Variants in KIAA0319 observed in about 807,000 individuals in gnomAD.
The protein encoded by KIAA0319 is KIAA0319, also known as dyslexia-associated protein KIAA0319.
A neutral mutation model predicts 108.4 loss-of-function variants in KIAA0319; 83 were observed. The ratio of observed to expected loss-of-function variants is 0.77; its 90% CI spans 0.64 to 0.92. KIAA0319 has a LOEUF of 0.92. KIAA0319 is among the 40% of genes least tolerant of loss of function. The probability of loss-of-function intolerance (pLI) is 0.00; values close to 1 mark genes in which losing one functional copy is unlikely to be tolerated. For synonymous variants in KIAA0319, 484 were observed against 510.4 expected (o/e 0.95, Z 0.70); for missense variants, 1,195 against 1,322.4 (o/e 0.90, Z 1.49).
At chr6:24,624,789 G>A (rs1269951224) in intron 1 of KIAA0319, among the ~76,000 whole-genome samples, 6 of 152,146 alleles carry the variant, frequency 3.9e-5, no homozygotes, top group Non-Finnish European at 1.5e-5. Flanking sequence ...TTTGGAAGTC[G>A]GACGTGAAGC....
intron 19 of KIAA0319, among the ~76,000 whole-genome samples, chr6:24,553,274 GAT>G (rs72393319): frequency 0.062 from 6,318 of 101,834 alleles, 258 homozygotes; most frequent in Non-Finnish European, 0.066. Flanking sequence ...TTGTGAGATA[GAT>G]ATATATATAT....
At chr6:24,624,140 T>G (rs1774377457) in intron 1 of KIAA0319, among the ~76,000 whole-genome samples, 2 of 141,144 alleles carry the variant, frequency 1.4e-5, no homozygotes, top group African/African-American at 5.2e-5. Context: ...TCCTTCCACC[T>G]CAGCCTCCTG....
Position 24,596,470 on chromosome 6 carries a change from G to A in KIAA0319, c.204C>T (p.Asp68=). ...TAACCDLSSC[D]LAWWFEGRCY... ...AGCGGCCCTCGAACCACCAGGCCAGGTCACAGCTGGACAGGTCACAGCAAG... is the reference window on the plus strand; with the variant it reads ...AGCGGCCCTCGAACCACCAGGCCAGATCACAGCTGGACAGGTCACAGCAAG... Residue 68 remains aspartate (D), a synonymous_variant, in exon 3 of 21, where the codon GAC becomes GAT. Coordinates refer to ENST00000378214, the MANE Select transcript of KIAA0319 (RefSeq NM_014809.4). 1 of 1,614,176 alleles carries A rather than the reference G, an allele frequency of 6.2e-7. No homozygotes were observed.
intron 20 of KIAA0319, among the ~76,000 whole-genome samples, chr6:24,549,124 C>G (rs1561902300): frequency 6.6e-6 from 1 of 151,762 alleles, no homozygotes; most frequent in Non-Finnish European, 1.5e-5. Context: ...GAGTTCGAGA[C>G]CAGCCTGGCT....
intron 1 of KIAA0319, among the ~76,000 whole-genome samples, chr6:24,637,345 C>G (rs972717993): frequency 6.6e-6 from 1 of 152,204 alleles, no homozygotes; most frequent in Non-Finnish European, 1.5e-5. Flanking sequence ...GAGAGCTCTG[C>G]TCATTCCTCT....
intron 8 of KIAA0319, 57 bp downstream of exon 8, chr6:24,579,801 A>T: frequency 7.3e-7 from 1 of 1,374,638 alleles, no homozygotes; most frequent in Non-Finnish European, 1.0e-6. Context: ...AGCACTCATT[A>T]CATTTCGTAG....
chr6:24,552,266 A>G (rs1581879342), intron 19 of KIAA0319, among the ~76,000 whole-genome samples: 1 of 152,340 alleles, frequency 6.6e-6, no homozygotes, highest in East Asian at 1.9e-4. Flanking sequence ...CACCTGTAAA[A>G]TGGGAGTAAG....
chr6:24,542,312 C>G (rs141340012), downstream of KIAA0319, among the ~76,000 whole-genome samples: 14 of 152,300 alleles, frequency 9.2e-5, no homozygotes, highest in African/African-American at 3.4e-4. Context: ...CTACAATACC[C>G]CATTCCCATT....
Position 24,582,235 on chromosome 6 carries a change from C to A in KIAA0319, c.1191+14G>T. The A allele has an allele frequency of 1.4e-6, 2 of 1,448,252 alleles. No homozygotes were observed. The highest frequency in any genetic ancestry group is 2.3e-5 in the South Asian group (2 of 87,696). The allele number at this position is 1,448,252 out of a possible 1,614,324, so 89.7% of individuals were successfully genotyped here. A position where few individuals can be genotyped will look rare whatever the true frequency, so the allele number is the denominator to read the frequency against. On this transcript the variant is annotated intron_variant, in intron 6 of 20. Transcript: ENST00000378214. ...CGCTGTGCTGTTAGACACAACCAGTCTCCAGTTACTTACTTGAGAGAGGTT... is the reference window on the plus strand; with the variant it reads ...CGCTGTGCTGTTAGACACAACCAGTATCCAGTTACTTACTTGAGAGAGGTT...
At chr6:24,617,807 T>A (rs1381495238) in intron 1 of KIAA0319, among the ~76,000 whole-genome samples, 1 of 152,096 alleles carries the variant, frequency 6.6e-6, no homozygotes, top group Admixed American at 6.5e-5. Context: ...GCCAACATGC[T>A]GAAATCCCAT....
intron 11 of KIAA0319, among the ~76,000 whole-genome samples, chr6:24,571,017 C>A (rs1166995343): frequency 6.6e-6 from 1 of 151,852 alleles, no homozygotes; most frequent in African/African-American, 2.4e-5. Context: ...TGGCGAAACT[C>A]TGTGTTTCTA....
At chr6:24,598,532 C>T (rs955721478) in intron 2 of KIAA0319, 14 of 447,388 alleles carry the variant, frequency 3.1e-5, no homozygotes, top group Non-Finnish European at 4.7e-5. Context: ...TTTGGCAACA[C>T]ACCAGGGCTG....
Position 24,588,609 on chromosome 6 carries a change from G to A in KIAA0319, c.978C>T (p.Thr326=). Residue 326 remains threonine (T), a synonymous_variant, in exon 4 of 21, where the codon ACC becomes ACT. Coordinates refer to ENST00000378214, the MANE Select transcript of KIAA0319 (RefSeq NM_014809.4). ...STPSELPISP[T]TAPRTVKELT... Reference sequence around the variant, plus strand: ...AAAAGTTACCTGTCCTGGGAGCAGTGGTAGGAGATATGGGTAGCTCAGATG... The same window carrying A: ...AAAAGTTACCTGTCCTGGGAGCAGTAGTAGGAGATATGGGTAGCTCAGATG... 6 of 1,613,472 alleles carry A rather than the reference G, an allele frequency of 3.7e-6. No individual in the cohort carries two copies. Among genetic ancestry groups the A allele is most frequent in the Non-Finnish European group, 4.2e-6 (5 of 1,179,464 alleles).
chr6:24,577,136 T>C (rs906585023), intron 9 of KIAA0319, among the ~76,000 whole-genome samples: 4 of 152,286 alleles, frequency 2.6e-5, no homozygotes, highest in South Asian at 2.1e-4. Context: ...TCATAACATA[T>C]TGATGTCAGA....
intron 1 of KIAA0319, among the ~76,000 whole-genome samples, chr6:24,623,100 A>T (rs528416987): frequency 9.3e-4 from 141 of 152,286 alleles, no homozygotes; most frequent in Non-Finnish European, 5.1e-4. Context: ...ACAGCTAAAA[A>T]TTAGCTAAGT....
At chr6:24,582,176 G>A (rs1766665541) in intron 6 of KIAA0319, 73 bp downstream of exon 6, 9 of 866,938 alleles carry the variant, frequency 1.0e-5, no homozygotes, top group Non-Finnish European at 1.8e-5. Flanking sequence ...GGGTTCAGTA[G>A]CTAAGAAGGT....
At chr6:24,578,991 C>T (rs1345846431) in intron 8 of KIAA0319, among the ~76,000 whole-genome samples, 1 of 152,276 alleles carries the variant, frequency 6.6e-6, no homozygotes, top group Admixed American at 6.5e-5. Context: ...TGAGTAGATG[C>T]AAATGGTCAT....
rs751533886 is a variant in KIAA0319 at position 24,564,240 on chromosome 6, G to A, written c.2393C>T (p.Ala798Val). Residue 798 changes from alanine to valine, a missense_variant, in exon 15 of 21, where the codon GCC becomes GTC. Transcript: ENST00000378214. ...CACAGTGGCAGTGTCTGTGTCCGAGGCCCCCTGACTGTCGGTGACTCGCAA... is the reference window on the plus strand; with the variant it reads ...CACAGTGGCAGTGTCTGTGTCCGAGACCCCCTGACTGTCGGTGACTCGCAA... ...FHLRVTDSQG[A>V]SDTDTATVEV... 5.0e-6 allele frequency: 8 copies of A among 1,613,908 alleles called. No individual in the cohort carries two copies. The East Asian group carries it at 1.6e-4, about 31-fold the overall frequency.
rs531424291 is a variant in KIAA0319 at position 24,587,744 on chromosome 6, G to GC, written c.994+848dup. Among the ~76,000 whole-genome samples the GC allele has an allele frequency of 4.6e-5, 7 of 151,610 alleles. No homozygotes were observed. The South Asian group carries it at 1.3e-3, about 27-fold the overall frequency. ...TGGGGTTACAGGTGTGTGCCACCAC[G>GC]CCCAGCTAATTTTTTTTGTATTTTT... On this transcript the variant is annotated intron_variant, in intron 4 of 20. Transcript: ENST00000378214.
Sources: gnomAD v4.1 joint callset for allele counts (sites outside exome capture counted in the v4.1 genomes callset) on GRCh38, gnomAD v4.1.1 for gene constraint, MANE v1.5 for transcripts, NCBI Gene and HGNC (gene_info 2026-07-23, HGNC 2026-07-21) for gene names.